The following CDC42BPA variants were observed in gnomAD, a reference collection of about 807,000 sequenced individuals.
CDC42BPA encodes serine/threonine-protein kinase MRCK alpha.
CDC42BPA carries 80 observed loss-of-function variants against 223.5 expected under a neutral mutation model. That is an observed-to-expected ratio of 0.36 (90% CI 0.30 to 0.43). The LOEUF is 0.43. CDC42BPA is among the 20% of genes least tolerant of loss of function. CDC42BPA has a pLI of 1.00. For missense variants in CDC42BPA, 1,743 were observed against 2,099.9 expected (o/e 0.83, Z 3.32); for synonymous variants, 694 against 718.6 (o/e 0.97, Z 0.55).
intron 10 of CDC42BPA, among the ~76,000 whole-genome samples, chr1:227,137,895 C>T (rs1307603719): frequency 1.3e-5 from 2 of 151,872 alleles, no homozygotes; most frequent in Non-Finnish European, 2.9e-5. Context: ...AGGACTTTAC[C>T]CTATGCTGGA....
In CDC42BPA at chr1:227,317,968, G is replaced by A. The variant is rs1289198432; in HGVS notation, c.-786C>T. 1.3e-5 allele frequency: 5 copies of A among 395,734 alleles called. No individual in the cohort carries two copies. The highest frequency in any genetic ancestry group is 6.3e-4 in the Middle Eastern group (1 of 1,590). The allele number at this position is 395,734 out of a possible 1,614,324, so 24.5% of individuals were successfully genotyped here. A position where few individuals can be genotyped will look rare whatever the true frequency, so the allele number is the denominator to read the frequency against. ...GGCCTGACCGGCGGCGCGGCCGGGG[G>A]TGGAAGGCGGGCTGCGGGCGGCACT... is the stretch of plus-strand genomic sequence containing the variant. On this transcript the variant is annotated 5_prime_UTR_variant, in exon 1 of 37. Coordinates refer to ENST00000366766, the MANE Select transcript of CDC42BPA (RefSeq NM_001394014.1).
chr1:227,194,018 G>C, intron 4 of CDC42BPA, 84 bp from the exon 5 acceptor site: 1 of 849,926 alleles, frequency 1.2e-6, no homozygotes, highest in South Asian at 2.2e-5. Flanking sequence ...CAACAGGACT[G>C]GGTCAAATAT....
At chr1:227,304,482 T>C (rs1419535853) in intron 1 of CDC42BPA, among the ~76,000 whole-genome samples, 1 of 151,822 alleles carries the variant, frequency 6.6e-6, no homozygotes, top group Non-Finnish European at 1.5e-5. Context: ...TATTAAATAA[T>C]TTTAAAAGGA....
chr1:227,090,681 T>A (rs555326905), intron 16 of CDC42BPA, among the ~76,000 whole-genome samples: 1 of 152,126 alleles, frequency 6.6e-6, no homozygotes, highest in Admixed American at 6.5e-5. Flanking sequence ...TGTGGTGGTG[T>A]GCGCCTGTAG....
intron 25 of CDC42BPA, 54 bp downstream of exon 25, chr1:227,035,417 A>T: frequency 7.3e-7 from 1 of 1,362,070 alleles, no homozygotes; most frequent in Non-Finnish European, 1.0e-6. Flanking sequence ...ATTTGATTTT[A>T]ATTCATTAAT....
chr1:227,057,800 C>T (rs1472635287), intron 21 of CDC42BPA, among the ~76,000 whole-genome samples: 1 of 152,200 alleles, frequency 6.6e-6, no homozygotes, highest in East Asian at 1.9e-4. Context: ...GACCTTATAA[C>T]AGCTATTTCC....
intron 5 of CDC42BPA, among the ~76,000 whole-genome samples, chr1:227,188,919 T>C (rs1395596952): frequency 2.6e-5 from 4 of 152,032 alleles, no homozygotes; most frequent in African/African-American, 7.2e-5. Context: ...GGCATGTTGA[T>C]AGTGGGGGAG....
At chr1:227,183,173 G>A (rs1668228745) in intron 5 of CDC42BPA, 1 of 152,152 alleles carries the variant, frequency 6.6e-6, no homozygotes, top group Admixed American at 6.5e-5. Flanking sequence ...CTCTGGAGAA[G>A]CCTAGTACAT....
intron 2 of CDC42BPA, among the ~76,000 whole-genome samples, chr1:227,249,335 G>T (rs1400369159): frequency 6.6e-6 from 1 of 152,118 alleles, no homozygotes; most frequent in African/African-American, 2.4e-5. Flanking sequence ...ACTACTAAAA[G>T]AAAACATTGG....
intron 15 of CDC42BPA, among the ~76,000 whole-genome samples, chr1:227,094,191 A>G (rs1280607934): frequency 6.6e-6 from 1 of 152,206 alleles, no homozygotes; most frequent in Non-Finnish European, 1.5e-5. Context: ...AAAGAAAATA[A>G]ACTTTTTTTA....
intron 10 of CDC42BPA, 43 bp from the exon 11 acceptor site, chr1:227,129,274 CTA>C: frequency 7.2e-7 from 1 of 1,383,586 alleles, no homozygotes; most frequent in Non-Finnish European, 9.9e-7. Context: ...TCACCATACT[CTA>C]AATTCTTAAA....
rs745755276 is a variant in CDC42BPA at position 227,017,022 on chromosome 1, T to C, written c.4644A>G (p.Thr1548=). The part of the protein sequence containing the change: ...AEGDELVVPE[T]SDNSRKQMVR... ...CCATTTGTTTCCGACTATTATCTGA[T>C]GTTTCAGGTACTACCAGTTCGTCCC... Residue 1548 remains threonine, a synonymous_variant, in exon 33 of 37, where the codon ACA becomes ACG. Transcript: ENST00000366766. The C allele has an allele frequency of 3.8e-5, 61 of 1,612,928 alleles. No homozygotes were observed. The highest frequency in any genetic ancestry group is 4.9e-5 in the Non-Finnish European group (58 of 1,179,134).
intron 23 of CDC42BPA, among the ~76,000 whole-genome samples, chr1:227,043,138 G>T (rs991404317): frequency 1.3e-5 from 2 of 151,908 alleles, no homozygotes; most frequent in Non-Finnish European, 2.9e-5. Context: ...TTCTGGCCAG[G>T]CACGGTACCT....
chr1:227,133,973 G>GAATGAATA (rs370174201), intron 10 of CDC42BPA, among the ~76,000 whole-genome samples: 11 of 146,376 alleles, frequency 7.5e-5, no homozygotes, highest in East Asian at 2.0e-4. Flanking sequence ...AAAAATAAAT[G>GAATGAATA]AATAAATAAA....
chr1:227,297,476 C>A (rs1690842707), intron 1 of CDC42BPA, among the ~76,000 whole-genome samples: 1 of 152,128 alleles, frequency 6.6e-6, no homozygotes, highest in Non-Finnish European at 1.5e-5. Context: ...CAAACAGATA[C>A]TTGTATGCCA....
At chr1:227,163,114 GTGTATGTTTCCAAACATATGTGTGTGTA>G (rs1558650425) in intron 5 of CDC42BPA, among the ~76,000 whole-genome samples, 1 of 29,810 alleles carries the variant, frequency 3.4e-5, no homozygotes, top group Non-Finnish European at 7.7e-5. Flanking sequence ...ACATATATGT[GTGTATGTTTCCAAACATATGTGTGTGTA>G]TGTTTCCAAA....
chr1:227,087,047 T>G (rs1682094122), intron 16 of CDC42BPA, among the ~76,000 whole-genome samples: 1 of 152,220 alleles, frequency 6.6e-6, no homozygotes. Context: ...TCCCCATCTG[T>G]GCACGTCTTT....
intron 1 of CDC42BPA, among the ~76,000 whole-genome samples, chr1:227,275,025 T>C (rs1414754775): frequency 1.3e-5 from 2 of 152,064 alleles, no homozygotes; most frequent in African/African-American, 2.4e-5. Context: ...CATACAAAAG[T>C]TTGAACAATC....
chr1:227,209,905 T>G (rs933349398), intron 3 of CDC42BPA, among the ~76,000 whole-genome samples: 1 of 149,976 alleles, frequency 6.7e-6, no homozygotes, highest in Non-Finnish European at 1.5e-5. Context: ...TCTTTTTCTA[T>G]TGATTGGAAT....
Sources: allele counts gnomAD v4.1 joint callset (sites outside exome capture counted in the v4.1 genomes callset), GRCh38; gene constraint gnomAD v4.1.1; transcripts MANE v1.5; gene names NCBI Gene and HGNC (gene_info 2026-07-23, HGNC 2026-07-21).